Variants in TMEM132C observed in about 807,000 individuals in gnomAD.
TMEM132C encodes protein phosphatase 1, regulatory subunit 152.
In TMEM132C, 29 loss-of-function variants were observed where a neutral mutation model predicts 61.4. That is an observed-to-expected ratio of 0.47 (90% CI 0.35 to 0.64). The LOEUF (loss-of-function observed/expected upper bound fraction) is 0.64, where lower values mean the gene tolerates loss of function less well. TMEM132C is among the 30% of genes least tolerant of loss of function. The pLI is 0.00. For missense variants in TMEM132C, 1,408 were observed against 1,476.9 expected (o/e 0.95, Z 0.76); for synonymous variants, 656 against 633.1 (o/e 1.04, Z -0.54).
At chr12:128,507,404 T>TTC (rs1872406131) in intron 2 of TMEM132C, among the ~76,000 whole-genome samples, 3 of 32,012 alleles carry the variant, frequency 9.4e-5, no homozygotes, top group East Asian at 1.0e-3. Context: ...TTTTCTTTCT[T>TTC]TTTTTTTTTT....
At chr12:128,649,510 A>G (rs1303126678) in intron 4 of TMEM132C, among the ~76,000 whole-genome samples, 1 of 152,202 alleles carries the variant, frequency 6.6e-6, no homozygotes, top group Non-Finnish European at 1.5e-5. Context: ...CACAGATACC[A>G]CAGGCCACTT....
chr12:128,272,591 C>G (rs1421041348), intron 1 of TMEM132C, among the ~76,000 whole-genome samples: 1 of 152,162 alleles, frequency 6.6e-6, no homozygotes, highest in Admixed American at 6.5e-5. Context: ...ACTGCAAACT[C>G]TTTTTAAACA....
intron 2 of TMEM132C, among the ~76,000 whole-genome samples, chr12:128,425,547 C>G (rs181017130): frequency 2.7e-4 from 41 of 152,348 alleles, no homozygotes; most frequent in African/African-American, 9.9e-4. Context: ...TGCATTAGCT[C>G]CCTGCGGCTG....
intron 3 of TMEM132C, among the ~76,000 whole-genome samples, chr12:128,600,892 C>G (rs1405294222): frequency 6.6e-6 from 1 of 152,162 alleles, no homozygotes; most frequent in Non-Finnish European, 1.5e-5. Flanking sequence ...ACTATATCCC[C>G]CCAGGGCCTT....
At chr12:128,678,931 A>G (rs10847666) in intron 5 of TMEM132C, among the ~76,000 whole-genome samples, 95,317 of 152,066 alleles carry the variant, frequency 0.63, 30,793 homozygotes, top group African/African-American at 0.8. Flanking sequence ...CTGGAAGAAA[A>G]GGCCACTGCC....
In TMEM132C at chr12:128,668,232, T is replaced by C. The variant is rs1412032377; in HGVS notation, c.1306-1185T>C. On this transcript the variant is annotated intron_variant, in intron 4 of 8. Coordinates refer to ENST00000435159, the MANE Select transcript of TMEM132C (RefSeq NM_001136103.3). ...GAGTTCAAGACCAGCCTGGGCAACA[T>C]AGCGAGACCCCATATCAAAAAAAAA... Among the ~76,000 whole-genome samples the C allele has an allele frequency of 4.7e-5, 7 of 150,404 alleles. No individual in the cohort carries two copies. In the East Asian group the frequency reaches 1.4e-3, roughly 29 times the overall value.
At chr12:128,488,021 T>C (rs1482042817) in intron 2 of TMEM132C, among the ~76,000 whole-genome samples, 2 of 152,232 alleles carry the variant, frequency 1.3e-5, no homozygotes, top group Non-Finnish European at 2.9e-5. Flanking sequence ...CTGATCAGTA[T>C]TTAGCCACTG....
At chr12:128,566,930 G>A (rs1216355708) in intron 3 of TMEM132C, among the ~76,000 whole-genome samples, 1 of 152,078 alleles carries the variant, frequency 6.6e-6, no homozygotes, top group Non-Finnish European at 1.5e-5. Flanking sequence ...GCTTCTAAAG[G>A]CTCCTGGGAA....
At chr12:128,468,769 A>C (rs1462343578) in intron 2 of TMEM132C, among the ~76,000 whole-genome samples, 1 of 152,232 alleles carries the variant, frequency 6.6e-6, no homozygotes, top group Non-Finnish European at 1.5e-5. Context: ...TTTTATTTTT[A>C]TAATAATGTA....
chr12:128,360,507 G>A lies in TMEM132C; in HGVS notation c.86-54225G>A, dbSNP rs576457149. Among the ~76,000 whole-genome samples, 200 of 152,118 alleles carry A rather than the reference G, an allele frequency of 1.3e-3. 1 individual carries two copies. The highest frequency in any genetic ancestry group is 4.5e-3 in the African/African-American group (186 of 41,506). On this transcript the variant is annotated intron_variant, in intron 1 of 8. Transcript: ENST00000435159. ...TTAATTTGAACATAAATGTCCCCTC[G>A]TGCCTGCTGATAAGGGCACCCCCAG...
chr12:128,678,339 C>G (rs1954610016), intron 5 of TMEM132C, among the ~76,000 whole-genome samples: 1 of 152,202 alleles, frequency 6.6e-6, no homozygotes, highest in East Asian at 1.9e-4. Flanking sequence ...CCTTTGTGGA[C>G]TTGGGGTCCC....
intron 3 of TMEM132C, among the ~76,000 whole-genome samples, chr12:128,608,429 T>A (rs1876501505): frequency 1.3e-5 from 2 of 152,214 alleles, no homozygotes; most frequent in African/African-American, 4.8e-5. Flanking sequence ...CAGAATTATC[T>A]GTGTGTCACC....
intron 1 of TMEM132C, among the ~76,000 whole-genome samples, chr12:128,269,240 C>T (rs1159887833): frequency 6.6e-6 from 1 of 152,010 alleles, no homozygotes; most frequent in African/African-American, 2.4e-5. Context: ...AGGGCGTGAC[C>T]GACCTCCTCC....
intron 4 of TMEM132C, among the ~76,000 whole-genome samples, chr12:128,635,500 A>G (rs1343741088): frequency 7.5e-6 from 1 of 132,532 alleles, no homozygotes; most frequent in African/African-American, 3.0e-5. Context: ...GGATTTTGTC[A>G]TGGAGTTTAA....
At chr12:128,701,602 C>G (rs1954804138) in intron 8 of TMEM132C, among the ~76,000 whole-genome samples, 2 of 152,198 alleles carry the variant, frequency 1.3e-5, no homozygotes, top group African/African-American at 4.8e-5. Context: ...TGCTCCCAGG[C>G]TACTCCAATT....
At chr12:128,592,030 C>T (rs547529155) in intron 3 of TMEM132C, among the ~76,000 whole-genome samples, 5 of 130,256 alleles carry the variant, frequency 3.8e-5, no homozygotes, top group Admixed American at 9.4e-5. Flanking sequence ...CCAACCTGGG[C>T]GACAGAGTGA....
intron 1 of TMEM132C, among the ~76,000 whole-genome samples, chr12:128,356,206 A>G (rs1873500184): frequency 6.6e-6 from 1 of 152,176 alleles, no homozygotes; most frequent in South Asian, 2.1e-4. Flanking sequence ...TGGAAAACGC[A>G]CCTTTAAAGA....
At chr12:128,576,463 T>C (rs1317999986) in intron 3 of TMEM132C, among the ~76,000 whole-genome samples, 1 of 152,266 alleles carries the variant, frequency 6.6e-6, no homozygotes, top group East Asian at 1.9e-4. Flanking sequence ...GGGCAGCTTC[T>C]CTTTGTTCAA....
intron 1 of TMEM132C, among the ~76,000 whole-genome samples, chr12:128,407,660 A>C (rs936024558): frequency 6.6e-6 from 1 of 152,072 alleles, no homozygotes; most frequent in African/African-American, 2.4e-5. Flanking sequence ...TCTTCCTACT[A>C]TCAGGTGTCC....
Sources: gnomAD v4.1 joint callset for allele counts (sites outside exome capture counted in the v4.1 genomes callset) on GRCh38, gnomAD v4.1.1 for gene constraint, MANE v1.5 for transcripts, NCBI Gene and HGNC (gene_info 2026-07-23, HGNC 2026-07-21) for gene names.